GLT1D1: variants seen among roughly 807,000 people sequenced by gnomAD.
GLT1D1 encodes glycosyltransferase 1 domain-containing protein 1.
GLT1D1 carries 21 observed loss-of-function variants against 28.7 expected under a neutral mutation model. The observed-to-expected ratio is 0.73, with a 90% CI of 0.52 to 1.05. GLT1D1 has a LOEUF of 1.05. Ranked by LOEUF, GLT1D1 falls within the 50% of genes least tolerant of loss-of-function variation. GLT1D1 has a pLI of 0.00. For synonymous variants in GLT1D1, 147 were observed against 124.8 expected (o/e 1.18, Z -1.19); for missense variants, 343 against 330.6 (o/e 1.04, Z -0.29).
intron 4 of GLT1D1, among the ~76,000 whole-genome samples, chr12:128,900,340 C>A (rs1402481076): frequency 6.6e-6 from 1 of 152,220 alleles, no homozygotes; most frequent in Non-Finnish European, 1.5e-5. Flanking sequence ...CATTTGTAGG[C>A]TCTGCCCATT....
chr12:128,970,181 C>A (rs1486252405), intron 7 of GLT1D1, among the ~76,000 whole-genome samples: 1 of 152,200 alleles, frequency 6.6e-6, no homozygotes, highest in Non-Finnish European at 1.5e-5. Flanking sequence ...CTGTGGAGGA[C>A]CCCGGTGGGC....
At chr12:128,931,917 G>GCACGTGCACACACACACACACA (rs1368012620) in intron 4 of GLT1D1, among the ~76,000 whole-genome samples, 2 of 141,002 alleles carry the variant, frequency 1.4e-5, no homozygotes, top group Non-Finnish European at 3.2e-5. Flanking sequence ...ACACACGCAC[G>GCACGTGCACACACACACACACA]CACACACACA....
In GLT1D1 at chr12:128,853,528, G is replaced by A; in HGVS notation, c.-54G>A. On this transcript the variant is annotated 5_prime_UTR_variant, in exon 1 of 8. Transcript: ENST00000281703. ...CGCCGTCCGCGTCTGCGCCGGCCCCGGGGCCTGGTCGGCGGCGGCGGGGCC... is the reference window on the plus strand; with the variant it reads ...CGCCGTCCGCGTCTGCGCCGGCCCCAGGGCCTGGTCGGCGGCGGCGGGGCC... The A allele has an allele frequency of 6.8e-6, 7 of 1,024,540 alleles. No homozygotes were observed. Among genetic ancestry groups the A allele is most frequent in the East Asian group, 9.6e-5 (1 of 10,400 alleles). The allele number at this position is 1,024,540 out of a possible 1,614,324, so 63.5% of individuals were successfully genotyped here.
intron 7 of GLT1D1, among the ~76,000 whole-genome samples, chr12:128,959,427 G>T: frequency 1.1e-5 from 1 of 87,096 alleles, no homozygotes; most frequent in Non-Finnish European, 2.3e-5. Context: ...GGGACGGGTG[G>T]GGAGGTGGCA....
chr12:128,984,866 A>G lies in GLT1D1; in HGVS notation c.*1776A>G, dbSNP rs1382999340. On this transcript the variant is annotated 3_prime_UTR_variant, in exon 8 of 8. Transcript: ENST00000281703. ...CTGACCTCCACCGTACCTCCACATC[A>G]CTATTCATGTCCTTCTAGGAAAATG... is the stretch of plus-strand genomic sequence containing the variant. The G allele has an allele frequency of 1.3e-5, 2 of 152,200 alleles. No individual in the cohort carries two copies. Among genetic ancestry groups the G allele is most frequent in the Non-Finnish European group, 2.9e-5 (2 of 68,042 alleles). The allele number at this position is 152,200 out of a possible 1,614,324, so 9.4% of individuals were successfully genotyped here.
At chr12:128,927,999 C>CAAAAAAAAAAAAAAAA (rs938188484) in intron 4 of GLT1D1, among the ~76,000 whole-genome samples, 10 of 42,260 alleles carry the variant, frequency 2.4e-4, no homozygotes, top group South Asian at 1.9e-3. Context: ...GACTCTGTCT[C>CAAAAAAAAAAAAAAAA]AAAAAAAAAA....
At chr12:128,941,684 C>T (rs1550048) in intron 4 of GLT1D1, among the ~76,000 whole-genome samples, 15,201 of 150,672 alleles carry the variant, frequency 0.1, 2,034 homozygotes, top group African/African-American at 0.31. Context: ...GCGATTCTTC[C>T]GCTTCAGCTT....
At chr12:128,940,758 G>T (rs1875126382) in intron 4 of GLT1D1, among the ~76,000 whole-genome samples, 1 of 152,180 alleles carries the variant, frequency 6.6e-6, no homozygotes, top group Admixed American at 6.5e-5. Flanking sequence ...ATGTTAGGTT[G>T]TGACTAATGA....
intron 1 of GLT1D1, among the ~76,000 whole-genome samples, chr12:128,874,124 C>CCCTTTCTTTCTTTCTTTCTT (rs1555261647): frequency 3.3e-4 from 13 of 39,280 alleles, no homozygotes; most frequent in African/African-American, 1.3e-3. Flanking sequence ...CTCTCTCTCT[C>CCCTTTCTTTCTTTCTTTCTT]TCTTTCTTTC....
At chr12:128,959,421 C>CGGGGGGGGGGGGG (rs1331322937) in intron 7 of GLT1D1, among the ~76,000 whole-genome samples, 1 of 9,940 alleles carries the variant, frequency 1.0e-4, no homozygotes, top group Non-Finnish European at 1.7e-4. Context: ...TGGGGGGGGA[C>CGGGGGGGGGGGGG]GGGTGGGGAG....
At chr12:128,855,054 A>G (rs1230496184) in intron 1 of GLT1D1, among the ~76,000 whole-genome samples, 1 of 151,866 alleles carries the variant, frequency 6.6e-6, no homozygotes. Flanking sequence ...AGTATGGGAG[A>G]GGAATGAAGG....
At chr12:128,881,882 C>A (rs1488667423) in intron 2 of GLT1D1, among the ~76,000 whole-genome samples, 2 of 151,788 alleles carry the variant, frequency 1.3e-5, no homozygotes, top group East Asian at 3.9e-4. Context: ...TGTTCTTTTG[C>A]AGCAAGTTAT....
At chr12:128,914,797 G>A in intron 4 of GLT1D1, 136 bp from the exon 6 acceptor site, 1 of 650,032 alleles carries the variant, frequency 1.5e-6, no homozygotes, top group Non-Finnish European at 2.6e-6. Flanking sequence ...TGCAGCCTGG[G>A]TGACAGAGCG....
intron 7 of GLT1D1, among the ~76,000 whole-genome samples, chr12:128,966,860 A>G (rs1223348647): frequency 6.6e-6 from 1 of 152,164 alleles, no homozygotes; most frequent in Non-Finnish European, 1.5e-5. Context: ...CTCTATTTCT[A>G]TATACCTCAC....
chr12:128,914,693 G>A (rs1039931678), intron 4 of GLT1D1, among the ~76,000 whole-genome samples: 7 of 151,872 alleles, frequency 4.6e-5, no homozygotes, highest in Non-Finnish European at 1.0e-4. Flanking sequence ...GGCAGCGGGC[G>A]CCTATACTCC....
At chr12:128,949,885 G>C (rs912284438) in intron 6 of GLT1D1, among the ~76,000 whole-genome samples, 18 of 152,236 alleles carry the variant, frequency 1.2e-4, no homozygotes, top group African/African-American at 4.1e-4. Flanking sequence ...CGCTCTGCCT[G>C]AGAGAGAGGA....
At chr12:128,933,322 C>T (rs764487984) in intron 4 of GLT1D1, among the ~76,000 whole-genome samples, 13 of 152,274 alleles carry the variant, frequency 8.5e-5, no homozygotes, top group Non-Finnish European at 1.9e-4. Context: ...GCATTTCACA[C>T]GGGAAGCCGC....
At chr12:128,944,629 G>T (rs755163995) in intron 4 of GLT1D1, 8 of 736,658 alleles carry the variant, frequency 1.1e-5, no homozygotes, top group Non-Finnish European at 2.0e-5. Context: ...CACTGTGTCG[G>T]TCTGATCAGC....
At chr12:128,882,602 T>A (rs1051548640) in intron 2 of GLT1D1, among the ~76,000 whole-genome samples, 13 of 152,154 alleles carry the variant, frequency 8.5e-5, no homozygotes, top group African/African-American at 3.1e-4. Context: ...AAGAACAATA[T>A]CAACTTTCAT....
Sources: gnomAD v4.1 joint callset for allele counts (sites outside exome capture counted in the v4.1 genomes callset) on GRCh38, gnomAD v4.1.1 for gene constraint, MANE v1.5 for transcripts, NCBI Gene and HGNC (gene_info 2026-07-23, HGNC 2026-07-21) for gene names.